Variants in MYO18A observed in about 807,000 individuals in gnomAD.
The protein encoded by MYO18A is myosin XVIIIA.
Under a neutral mutation model 235.8 loss-of-function variants are expected in MYO18A, and 78 were observed. That is an observed-to-expected ratio of 0.33 (90% CI 0.28 to 0.40). The LOEUF (loss-of-function observed/expected upper bound fraction) is 0.40, where lower values mean the gene tolerates loss of function less well. MYO18A is among the 10% of genes least tolerant of loss of function. The probability of loss-of-function intolerance (pLI) is 1.00; values close to 1 mark genes in which losing one functional copy is unlikely to be tolerated. For synonymous variants in MYO18A, 977 were observed against 1,077.8 expected (o/e 0.91, Z 1.83); for missense variants, 2,215 against 2,699.3 (o/e 0.82, Z 3.98).
intron 37 of MYO18A, 37 bp from the exon 38 acceptor site, chr17:29,087,158 A>T: frequency 6.3e-7 from 1 of 1,587,110 alleles, no homozygotes. Context: ...CACAGCAGGC[A>T]GGCCCATCAG....
Position 29,074,947 on chromosome 17 carries a change from A to C in MYO18A, c.6021-33T>G. On this transcript the variant is annotated intron_variant, in intron 41 of 41. Coordinates refer to ENST00000527372, the MANE Select transcript of MYO18A (RefSeq NM_078471.4). This position sits in a 1 kb window ranked among gnomAD's most constrained non-coding sequence, Gnocchi z 4.4. ...GACCGAGGAATAAGGTTAGGGACAAATGACACTCCTACCATTAAGCACGCA... is the reference window on the plus strand; with the variant it reads ...GACCGAGGAATAAGGTTAGGGACAACTGACACTCCTACCATTAAGCACGCA... 3.7e-6 allele frequency: 6 copies of C among 1,611,908 alleles called. No individual in the cohort carries two copies. The highest frequency in any genetic ancestry group is 4.2e-6 in the Non-Finnish European group (5 of 1,178,322).
Position 29,126,388 on chromosome 17 carries a change from G to C in MYO18A, c.1000-4135C>G, listed in dbSNP as rs1384531176. Among the ~76,000 whole-genome samples the C allele has an allele frequency of 6.6e-6, 1 of 152,164 alleles. No homozygotes were observed. The highest frequency in any genetic ancestry group is 1.5e-5 in the Non-Finnish European group (1 of 68,018). On this transcript the variant is annotated intron_variant, in intron 2 of 41. Coordinates refer to ENST00000527372, the MANE Select transcript of MYO18A (RefSeq NM_078471.4). The surrounding 1 kb of genome is among the most constrained non-coding windows in gnomAD (Gnocchi z 4.1). ...CCACGACACTCCCCACCTGCTTATG[G>C]GTTCTCCAGAGCGACCAACAGTTCT...
At chr17:29,105,922 TG>T (rs1403228140) in intron 20 of MYO18A, among the ~76,000 whole-genome samples, 21 of 151,712 alleles carry the variant, frequency 1.4e-4, no homozygotes, top group African/African-American at 5.1e-4. Flanking sequence ...GGCGCTTCGG[TG>T]GGAGTTGGGC....
At position 29,121,597 on chromosome 17, in the gene MYO18A, TG is replaced by T; in HGVS notation, c.1320del (p.Ser441AlafsTer18). 1 of 1,600,754 alleles carries T rather than the reference TG, an allele frequency of 6.2e-7. No individual in the cohort carries two copies. Among genetic ancestry groups the T allele is most frequent in the Admixed American group, 1.7e-5 (1 of 57,664 alleles). ...CCACGGGGGCCAAGAACCAGCAGGC[TG>T]GGGCCAGCATACGTGTGCAGCAGGC... ...GASLLHTYAG[P>X]SLLVLGPRGA... On this transcript the variant is annotated frameshift_variant, in exon 5 of 42. Coordinates refer to ENST00000527372, the MANE Select transcript of MYO18A (RefSeq NM_078471.4). LOFTEE classifies it high-confidence loss of function. The surrounding 1 kb of genome is among the most constrained non-coding windows in gnomAD (Gnocchi z 4.2).
chr17:29,118,904 G>C lies in MYO18A; in HGVS notation c.1829+431C>G, dbSNP rs2067135970. On this transcript the variant is annotated intron_variant, in intron 8 of 41. Coordinates refer to ENST00000527372, the MANE Select transcript of MYO18A (RefSeq NM_078471.4). This position sits in a 1 kb window ranked among gnomAD's most constrained non-coding sequence, Gnocchi z 4.2. ...GGGGCAGGAAGGGCTAGTCTGGAGG[G>C]CACTGGAAGAGGCATGGGCTTTTGG... is the stretch of plus-strand genomic sequence containing the variant. 6.6e-6 allele frequency among the ~76,000 whole-genome samples: 1 copy of C among 152,182 alleles called. No homozygotes were observed. The highest frequency in any genetic ancestry group is 2.1e-4 in the South Asian group (1 of 4,830).
intron 28 of MYO18A, 74 bp from the exon 29 acceptor site, chr17:29,095,133 G>T (rs1174092694): frequency 6.8e-7 from 1 of 1,465,354 alleles, no homozygotes; most frequent in East Asian, 2.5e-5. Flanking sequence ...TCAGGAGGTG[G>T]TGCCATGGAC....
intron 2 of MYO18A, among the ~76,000 whole-genome samples, chr17:29,127,168 A>C (rs1363392949): frequency 6.6e-6 from 1 of 152,176 alleles, no homozygotes; most frequent in Non-Finnish European, 1.5e-5. Flanking sequence ...CCAAAATCCC[A>C]AAAGCCCCCC....
intron 2 of MYO18A, among the ~76,000 whole-genome samples, chr17:29,146,312 G>A (rs753196285): frequency 2.6e-5 from 4 of 152,168 alleles, no homozygotes; most frequent in Non-Finnish European, 5.9e-5. Context: ...GGAAAAGCAT[G>A]AGATGTGGAC....
chr17:29,124,805 A>C, intron 2 of MYO18A: 4 of 856,992 alleles, frequency 4.7e-6, no homozygotes, highest in Non-Finnish European at 6.2e-6. Flanking sequence ...CTAGTTGTCC[A>C]AGGCTCGGGG....
chr17:29,121,325 G>T lies in MYO18A; in HGVS notation c.1372-114C>A. 1 of 1,258,886 alleles carries T rather than the reference G, an allele frequency of 7.9e-7. No individual in the cohort carries two copies. The highest frequency in any genetic ancestry group is 1.1e-6 in the Non-Finnish European group (1 of 903,800). 78.0% of individuals were successfully genotyped at this position (1,258,886 alleles called of 1,614,324 possible). On this transcript the variant is annotated intron_variant, in intron 5 of 41. Coordinates refer to ENST00000527372, the MANE Select transcript of MYO18A (RefSeq NM_078471.4). The surrounding 1 kb of genome is among the most constrained non-coding windows in gnomAD (Gnocchi z 4.2). ...GATTTTCCCTCCTGTAGTGCCCAGGGATTCCAAGGCCAAGGCCATGCATGG... is the reference window on the plus strand; with the variant it reads ...GATTTTCCCTCCTGTAGTGCCCAGGTATTCCAAGGCCAAGGCCATGCATGG...
At position 29,118,305 on chromosome 17, in the gene MYO18A, C is replaced by T; in HGVS notation, c.1893+72G>A. 6.4e-7 allele frequency: 1 copy of T among 1,563,982 alleles called. No individual in the cohort carries two copies. Among genetic ancestry groups the T allele is most frequent in the Non-Finnish European group, 8.7e-7 (1 of 1,148,954 alleles). On this transcript the variant is annotated intron_variant, in intron 9 of 41. Transcript: ENST00000527372. The surrounding 1 kb of genome is among the most constrained non-coding windows in gnomAD (Gnocchi z 4.2). ...GCTGGAGCTGGGCTCCCACTATTCCCACAGGACCCATGGAGGCTTCTCCTA... is the reference window on the plus strand; with the variant it reads ...GCTGGAGCTGGGCTCCCACTATTCCTACAGGACCCATGGAGGCTTCTCCTA...
At chr17:29,147,942 G>A (rs2067882333) in intron 2 of MYO18A, among the ~76,000 whole-genome samples, 1 of 150,374 alleles carries the variant, frequency 6.7e-6, no homozygotes, top group Non-Finnish European at 1.5e-5. Context: ...CCAAATGAGA[G>A]ATAAGAAGGG....
chr17:29,107,534 C>T (rs959452479), intron 19 of MYO18A: 1 of 230,206 alleles, frequency 4.3e-6, no homozygotes, highest in Non-Finnish European at 8.7e-6. Context: ...TCCCAATCCC[C>T]AAGATGCTTT....
At position 29,115,093 on chromosome 17, in the gene MYO18A, G is replaced by C; in HGVS notation, c.2325C>G (p.Leu775=). The change falls in exon 14 of 42, where the codon CTC becomes CTG. Residue 775 remains leucine (L), a synonymous_variant. Transcript: ENST00000527372. The part of the protein sequence containing the change: ...TLLVSLVNRA[L]KSSQHSLCSM... Reference sequence around the variant, plus strand: ...AGCAGAGTGAGTGCTGGCTGGACTTGAGAGCCCTGGATAGGGACAGCCTGG... The same window carrying C: ...AGCAGAGTGAGTGCTGGCTGGACTTCAGAGCCCTGGATAGGGACAGCCTGG... 1 of 1,612,520 alleles carries C rather than the reference G, an allele frequency of 6.2e-7. No homozygotes were observed.
At position 29,119,310 on chromosome 17, in the gene MYO18A, T is replaced by C. The variant is rs530646943; in HGVS notation, c.1829+25A>G. The C allele has an allele frequency of 2.2e-5, 35 of 1,572,062 alleles. No homozygotes were observed. In the African/African-American group the frequency reaches 4.2e-4, roughly 19 times the overall value. On this transcript the variant is annotated intron_variant, in intron 8 of 41. Transcript: ENST00000527372. ...CAGTGGGCTGGAGTTCAGAGAACCC[T>C]TGTGTACCCTCTGACCCATCTCACC...
intron 40 of MYO18A, 115 bp from the exon 41 acceptor site, chr17:29,082,553 G>A (rs537464914): frequency 2.3e-4 from 237 of 1,041,274 alleles, no homozygotes; most frequent in Middle Eastern, 1.5e-3. Context: ...CAGCATGCAC[G>A]TCGGTGAGTC....
chr17:29,093,109 T>C (rs1312210141), intron 32 of MYO18A, 108 bp from the exon 33 acceptor site: 2 of 1,428,768 alleles, frequency 1.4e-6, no homozygotes, highest in African/African-American at 2.8e-5. Context: ...CCCATAAGGA[T>C]GCTGGAAGAG....
At chr17:29,085,360 C>T (rs372249130) in intron 40 of MYO18A, among the ~76,000 whole-genome samples, 69 of 152,336 alleles carry the variant, frequency 4.5e-4, no homozygotes, top group East Asian at 1.9e-3. Flanking sequence ...GGCAGGAGCC[C>T]CCCCATCCTG....
At chr17:29,178,493 C>T (rs1371941220) in intron 1 of MYO18A, among the ~76,000 whole-genome samples, 1 of 151,104 alleles carries the variant, frequency 6.6e-6, no homozygotes, top group Non-Finnish European at 1.5e-5. Context: ...ATTGAGGCCA[C>T]AACCCCCATG....
Sources: gnomAD v4.1 joint callset for allele counts (sites outside exome capture counted in the v4.1 genomes callset) on GRCh38, gnomAD v4.1.1 for gene constraint, Gnocchi (gnomAD v3.1) non-coding constraint, MANE v1.5 for transcripts, NCBI Gene and HGNC (gene_info 2026-07-23, HGNC 2026-07-21) for gene names.